CPQ: variants seen among roughly 807,000 people sequenced by gnomAD.
CPQ encodes carboxypeptidase Q.
CPQ carries 37 observed loss-of-function variants against 45.7 expected under a neutral mutation model. That is an observed-to-expected ratio of 0.81 (90% CI 0.62 to 1.07). The LOEUF (loss-of-function observed/expected upper bound fraction) is 1.07, where lower values mean the gene tolerates loss of function less well. CPQ is among the 50% of genes least tolerant of loss of function. The pLI, the probability that CPQ is intolerant of heterozygous loss-of-function variation, is 0.00. For missense variants in CPQ, 537 were observed against 572.9 expected (o/e 0.94, Z 0.64); for synonymous variants, 186 against 205.8 (o/e 0.90, Z 0.82).
At chr8:96,773,765 C>T (rs1348190518) in intron 1 of CPQ, among the ~76,000 whole-genome samples, 1 of 152,166 alleles carries the variant, frequency 6.6e-6, no homozygotes, top group African/African-American at 2.4e-5. Context: ...ATGAGGGCTG[C>T]TTTCAGCCTC....
intron 1 of CPQ, among the ~76,000 whole-genome samples, chr8:96,663,259 A>C (rs934422311): frequency 6.6e-6 from 1 of 152,206 alleles, no homozygotes; most frequent in East Asian, 1.9e-4. Flanking sequence ...CTGGCTTGGC[A>C]CTGGAGACTG....
At chr8:96,883,520 T>TA (rs1268800978) in intron 4 of CPQ, among the ~76,000 whole-genome samples, 1 of 152,124 alleles carries the variant, frequency 6.6e-6, no homozygotes, top group Non-Finnish European at 1.5e-5. Flanking sequence ...CACAAAGAAG[T>TA]AACAGCATTA....
intron 2 of CPQ, among the ~76,000 whole-genome samples, chr8:96,824,738 C>T (rs915481779): frequency 1.3e-5 from 2 of 152,034 alleles, no homozygotes; most frequent in East Asian, 1.9e-4. Flanking sequence ...TAAATTATTA[C>T]TGTTGTTAAA....
chr8:96,647,666 G>C (rs935990310), intron 1 of CPQ, among the ~76,000 whole-genome samples: 1 of 152,182 alleles, frequency 6.6e-6, no homozygotes, highest in African/African-American at 2.4e-5. Flanking sequence ...TGGGTTATTT[G>C]GGTAAATGAA....
At chr8:96,840,982 C>T (rs769117989) in intron 3 of CPQ, among the ~76,000 whole-genome samples, 4 of 152,174 alleles carry the variant, frequency 2.6e-5, no homozygotes, top group Non-Finnish European at 4.4e-5. Context: ...TCAAATTCTT[C>T]TTGTTGATGG....
intron 1 of CPQ, among the ~76,000 whole-genome samples, chr8:96,667,351 C>CT (rs376559950): frequency 0.023 from 3,076 of 134,968 alleles, 114 homozygotes; most frequent in African/African-American, 0.07. Flanking sequence ...TTATCTTTTT[C>CT]TTTTTTTTTT....
intron 4 of CPQ, among the ~76,000 whole-genome samples, chr8:96,916,505 AG>A (rs1812734757): frequency 6.6e-6 from 1 of 152,152 alleles, no homozygotes; most frequent in Non-Finnish European, 1.5e-5. Context: ...ATTTTAGAAT[AG>A]TTTTAAATTT....
intron 7 of CPQ, among the ~76,000 whole-genome samples, chr8:97,141,651 GCAAACCACTCCTAC>G (rs748883524): frequency 2.2e-4 from 33 of 152,244 alleles, no homozygotes; most frequent in Admixed American, 7.9e-4. Context: ...CTATAGCCCA[GCAAACCACTCCTAC>G]ATTCAAAGCC....
intron 1 of CPQ, among the ~76,000 whole-genome samples, chr8:96,719,856 G>A (rs1403506903): frequency 6.6e-6 from 1 of 152,182 alleles, no homozygotes; most frequent in African/African-American, 2.4e-5. Flanking sequence ...CTGTGCTTGG[G>A]TTGCCAGGTT....
chr8:96,997,989 A>G (rs939273776), intron 5 of CPQ, among the ~76,000 whole-genome samples: 2 of 151,884 alleles, frequency 1.3e-5, no homozygotes, highest in African/African-American at 2.4e-5. Context: ...AATAAAAATC[A>G]CCCAGTGGCT....
In CPQ at chr8:96,808,653, G is replaced by A. The variant is rs531677587; in HGVS notation, c.433+23323G>A. ...GTTCAAATATGCTGTAAACCCACCT[G>A]TTTACTCCTTCGTGGTGGCCGTAAG... On this transcript the variant is annotated intron_variant, in intron 2 of 7. Transcript: ENST00000220763. Among the ~76,000 whole-genome samples, 20 of 152,262 alleles carry A rather than the reference G, an allele frequency of 1.3e-4. No individual in the cohort carries two copies. In the South Asian group the frequency reaches 2.3e-3, roughly 17 times the overall value.
intron 1 of CPQ, among the ~76,000 whole-genome samples, chr8:96,677,929 C>T (rs1809097120): frequency 6.6e-6 from 1 of 151,996 alleles, no homozygotes; most frequent in African/African-American, 2.4e-5. Context: ...AATAGGGTGC[C>T]CTTTCCTCAA....
chr8:97,070,214 T>C (rs1810716355), intron 7 of CPQ, among the ~76,000 whole-genome samples: 1 of 152,204 alleles, frequency 6.6e-6, no homozygotes, highest in Non-Finnish European at 1.5e-5. Flanking sequence ...TCATTCTGTA[T>C]TCACTGGTGT....
At chr8:96,764,979 G>A (rs1248232063) in intron 1 of CPQ, among the ~76,000 whole-genome samples, 1 of 152,230 alleles carries the variant, frequency 6.6e-6, no homozygotes, top group East Asian at 1.9e-4. Context: ...TTGAAATTCA[G>A]TAAAACCAGC....
intron 3 of CPQ, among the ~76,000 whole-genome samples, chr8:96,875,435 C>A (rs1812132380): frequency 6.6e-6 from 1 of 151,912 alleles, no homozygotes; most frequent in East Asian, 1.9e-4. Context: ...TTAGCTATTA[C>A]ATGTAAGGCT....
chr8:96,684,901 C>T lies in CPQ; in HGVS notation c.-35+39499C>T, dbSNP rs568077776. On this transcript the variant is annotated intron_variant, in intron 1 of 7. Transcript: ENST00000220763. The stretch of plus-strand genomic sequence containing the variant: ...TATCACGAGGTCTGGAGTTCGAGAC[C>T]AGCCTGGTCAACATGGTAAAACTCC... Among the ~76,000 whole-genome samples, 237 of 151,866 alleles carry T rather than the reference C, an allele frequency of 1.6e-3. 1 individual carries two copies. The highest frequency in any genetic ancestry group is 5.5e-3 in the African/African-American group (229 of 41,396).
chr8:97,033,630 T>TA (rs1809947526), intron 6 of CPQ, among the ~76,000 whole-genome samples: 1 of 152,152 alleles, frequency 6.6e-6, no homozygotes, highest in African/African-American at 2.4e-5. Context: ...ACAATCTTTT[T>TA]TTTTTTTTGC....
intron 2 of CPQ, among the ~76,000 whole-genome samples, chr8:96,811,637 A>G (rs767147729): frequency 6.6e-6 from 1 of 152,186 alleles, no homozygotes; most frequent in Non-Finnish European, 1.5e-5. Context: ...CTATGTTATA[A>G]TCATTTTTAA....
chr8:96,661,515 T>C (rs1815701775), intron 1 of CPQ, among the ~76,000 whole-genome samples: 1 of 152,224 alleles, frequency 6.6e-6, no homozygotes. Flanking sequence ...CTTTCCAAGA[T>C]GTCATATAGT....
Sources: allele counts gnomAD v4.1 joint callset (sites outside exome capture counted in the v4.1 genomes callset), GRCh38; gene constraint gnomAD v4.1.1; transcripts MANE v1.5; gene names NCBI Gene and HGNC (gene_info 2026-07-23, HGNC 2026-07-21).